Variants in CDH13 observed in about 807,000 individuals in gnomAD.
CDH13 encodes cadherin 13, also known as cadherin-13.
Under a neutral mutation model 63.8 loss-of-function variants are expected in CDH13, and 24 were observed. That is an observed-to-expected ratio of 0.38 (90% CI 0.27 to 0.53). The LOEUF (loss-of-function observed/expected upper bound fraction) is 0.53, where lower values mean the gene tolerates loss of function less well. Ranked by LOEUF, CDH13 falls within the 20% of genes least tolerant of loss-of-function variation. The pLI, the probability that CDH13 is intolerant of heterozygous loss-of-function variation, is 0.85. For missense variants in CDH13, 1,049 were observed against 903.1 expected (o/e 1.16, Z -2.07); for synonymous variants, 503 against 355.3 (o/e 1.42, Z -4.67).
intron 2 of CDH13, among the ~76,000 whole-genome samples, chr16:82,874,632 G>C (rs552896111): frequency 6.6e-6 from 1 of 152,148 alleles, no homozygotes; most frequent in African/African-American, 2.4e-5. Flanking sequence ...ATTCCATAGA[G>C]GAAGGGGGGA....
chr16:83,789,856 T>C (rs1488483871), intron 13 of CDH13: 1 of 151,954 alleles, frequency 6.6e-6, no homozygotes, highest in African/African-American at 2.4e-5. Flanking sequence ...CATTTCCATA[T>C]CGCCTGTGCC....
At chr16:82,906,406 G>T (rs547544063) in intron 2 of CDH13, among the ~76,000 whole-genome samples, 18 of 152,260 alleles carry the variant, frequency 1.2e-4, no homozygotes, top group Non-Finnish European at 2.2e-4. Context: ...ATTTGTGCAG[G>T]AAACCCCTTG....
intron 2 of CDH13, among the ~76,000 whole-genome samples, chr16:82,868,999 T>C (rs12103389): frequency 2.8e-3 from 429 of 152,310 alleles, no homozygotes; most frequent in African/African-American, 1.0e-2. Context: ...ACAGTCTGTT[T>C]TGAGGGCTAA....
At chr16:83,255,675 A>G (rs1906173226) in intron 5 of CDH13, among the ~76,000 whole-genome samples, 1 of 152,128 alleles carries the variant, frequency 6.6e-6, no homozygotes, top group South Asian at 2.1e-4. Flanking sequence ...TAGGATAAAT[A>G]CGGAATTCTA....
In CDH13 at chr16:83,337,765, A is replaced by G. The variant is rs1239419436; in HGVS notation, c.637-7097A>G. ...GATGCTACATAATATACAGACGCTC[A>G]TTGTGTGGTTTAATGTGTAGCTTCA... is the stretch of plus-strand genomic sequence containing the variant. On this transcript the variant is annotated intron_variant, in intron 5 of 13. Transcript: ENST00000567109. 2.0e-5 allele frequency among the ~76,000 whole-genome samples: 3 copies of G among 150,720 alleles called. No homozygotes were observed. The South Asian group carries it at 6.3e-4, about 32-fold the overall frequency.
At chr16:83,368,884 TTATATATATATA>T (rs150563585) in intron 6 of CDH13, among the ~76,000 whole-genome samples, 29 of 47,688 alleles carry the variant, frequency 6.1e-4, no homozygotes, top group East Asian at 2.5e-3. Context: ...GTATTCCATG[TTATATATATATA>T]TATATATATA....
intron 8 of CDH13, among the ~76,000 whole-genome samples, chr16:83,663,374 A>C (rs1455056221): frequency 6.6e-6 from 1 of 152,164 alleles, no homozygotes; most frequent in Non-Finnish European, 1.5e-5. Context: ...GAAATATTCT[A>C]ATTTGCCATT....
chr16:82,945,446 C>G (rs375439503), intron 2 of CDH13, among the ~76,000 whole-genome samples: 1 of 152,122 alleles, frequency 6.6e-6, no homozygotes, highest in Non-Finnish European at 1.5e-5. Flanking sequence ...TGACTGAAAC[C>G]GAGAGCTTTC....
chr16:83,168,208 T>A (rs570582080), intron 4 of CDH13, among the ~76,000 whole-genome samples: 1 of 152,024 alleles, frequency 6.6e-6, no homozygotes, highest in African/African-American at 2.4e-5. Context: ...GTTGAAATTA[T>A]AAAATAAATA....
At chr16:82,700,235 A>G (rs2030816977) in intron 1 of CDH13, among the ~76,000 whole-genome samples, 1 of 152,200 alleles carries the variant, frequency 6.6e-6, no homozygotes, top group African/African-American at 2.4e-5. Context: ...CTGAATTTCC[A>G]AGAAGGGTTT....
At chr16:83,144,897 G>C (rs1158289580) in intron 4 of CDH13, among the ~76,000 whole-genome samples, 1 of 152,168 alleles carries the variant, frequency 6.6e-6, no homozygotes, top group East Asian at 1.9e-4. Context: ...CTTTCCCTGG[G>C]CTGCAGAGGG....
chr16:82,956,632 C>T (rs1475351109), intron 2 of CDH13, among the ~76,000 whole-genome samples: 1 of 152,176 alleles, frequency 6.6e-6, no homozygotes, highest in Admixed American at 6.5e-5. Flanking sequence ...CTTCATGACC[C>T]AGCCCCTGAT....
Position 83,315,859 on chromosome 16 carries a change from C to A in CDH13, c.637-29003C>A, listed in dbSNP as rs190999863. Among the ~76,000 whole-genome samples the A allele has an allele frequency of 6.1e-3, 923 of 152,186 alleles. 10 individuals carry two copies. Among genetic ancestry groups the A allele is most frequent in the African/African-American group, 0.021 (876 of 41,528 alleles). The stretch of plus-strand genomic sequence containing the variant: ...CCAGGATTCTACACCAGGAACTATG[C>A]TAGGTTCTAGTGTTATAGGGAGGTT... On this transcript the variant is annotated intron_variant, in intron 5 of 13. Coordinates refer to ENST00000567109, the MANE Select transcript of CDH13 (RefSeq NM_001257.5).
intron 7 of CDH13, among the ~76,000 whole-genome samples, chr16:83,582,354 C>T (rs1225387468): frequency 1.3e-5 from 2 of 152,034 alleles, no homozygotes; most frequent in Admixed American, 1.3e-4. Flanking sequence ...AGGGTCTAGA[C>T]CTAATGCTAG....
chr16:82,692,510 C>T lies in CDH13; in HGVS notation c.45+65373C>T, dbSNP rs149423474. Reference sequence around the variant, plus strand: ...AGATCTCATGAGATGTATTCACTACCATGAGAATGACATGGGAAAGAGCCA... The same window carrying T: ...AGATCTCATGAGATGTATTCACTACTATGAGAATGACATGGGAAAGAGCCA... On this transcript the variant is annotated intron_variant, in intron 1 of 13. Transcript: ENST00000567109. Among the ~76,000 whole-genome samples the T allele has an allele frequency of 4.6e-5, 7 of 151,912 alleles. No homozygotes were observed. In the South Asian group the frequency reaches 6.3e-4, roughly 14 times the overall value.
intron 6 of CDH13, among the ~76,000 whole-genome samples, chr16:83,472,088 G>T (rs1018607427): frequency 1.3e-5 from 2 of 152,116 alleles, no homozygotes; most frequent in African/African-American, 2.4e-5. Context: ...ACAGTGTCCT[G>T]GGCTGAATGT....
chr16:83,419,402 TGA>T (rs2071648541), intron 6 of CDH13, among the ~76,000 whole-genome samples: 1 of 152,164 alleles, frequency 6.6e-6, no homozygotes, highest in Non-Finnish European at 1.5e-5. Context: ...ATATACACAG[TGA>T]GAGAAATGTC....
At chr16:83,271,522 ACAAC>A (rs763203315) in intron 5 of CDH13, among the ~76,000 whole-genome samples, 11,152 of 148,980 alleles carry the variant, frequency 0.075, 442 homozygotes, top group East Asian at 0.14. Context: ...AAACAAAACA[ACAAC>A]AACAAAAAAA....
chr16:82,878,378 A>C (rs571028707), intron 2 of CDH13, among the ~76,000 whole-genome samples: 1 of 151,678 alleles, frequency 6.6e-6, no homozygotes, highest in Non-Finnish European at 1.5e-5. Flanking sequence ...CTTTGCTCCT[A>C]ATCATCTCTA....
Sources: gnomAD v4.1 joint callset for allele counts (sites outside exome capture counted in the v4.1 genomes callset) on GRCh38, gnomAD v4.1.1 for gene constraint, MANE v1.5 for transcripts, NCBI Gene and HGNC (gene_info 2026-07-23, HGNC 2026-07-21) for gene names.